GALNT10: variants seen among roughly 807,000 people sequenced by gnomAD.
GALNT10 encodes the protein polypeptide N-acetylgalactosaminyltransferase 10, also known as GalNAc transferase 10.
GALNT10 carries 41 observed loss-of-function variants against 75.0 expected under a neutral mutation model. That is an observed-to-expected ratio of 0.55 (90% CI 0.43 to 0.71). The LOEUF is 0.71. Ranked by LOEUF, GALNT10 falls within the 30% of genes least tolerant of loss-of-function variation. The pLI, the probability that GALNT10 is intolerant of heterozygous loss-of-function variation, is 0.00. For missense variants in GALNT10, 727 were observed against 818.5 expected (o/e 0.89, Z 1.36); for synonymous variants, 302 against 313.0 (o/e 0.96, Z 0.37).
rs557958036 is a variant in GALNT10, at chr5:154,224,387, T to A, written c.159+33362T>A. Among the ~76,000 whole-genome samples, 62 of 152,352 alleles carry A rather than the reference T, an allele frequency of 4.1e-4. 1 individual carries two copies. The South Asian group carries it at 0.011, about 27-fold the overall frequency. ...AATTCTTCTATAATCTGGGACTAAT[T>A]TGACCCAGTCTCTTGCTTCCTCCTT... On this transcript the variant is annotated intron_variant, in intron 1 of 11. Coordinates refer to ENST00000297107, the MANE Select transcript of GALNT10 (RefSeq NM_198321.4).
At chr5:154,285,579 G>A (rs1754098840) in intron 1 of GALNT10, among the ~76,000 whole-genome samples, 1 of 151,918 alleles carries the variant, frequency 6.6e-6, no homozygotes, top group Non-Finnish European at 1.5e-5. Context: ...CAAACCCACA[G>A]GACCCTAGTA....
At chr5:154,247,985 C>T (rs373540631) in intron 1 of GALNT10, among the ~76,000 whole-genome samples, 4 of 152,136 alleles carry the variant, frequency 2.6e-5, no homozygotes, top group Admixed American at 2.6e-4. Context: ...AGATACGTCC[C>T]ATCAATACCT....
At chr5:154,292,481 C>T (rs1236889276) in intron 1 of GALNT10, among the ~76,000 whole-genome samples, 1 of 152,044 alleles carries the variant, frequency 6.6e-6, no homozygotes, top group East Asian at 1.9e-4. Context: ...CCAAAGTTTC[C>T]AATCTGTGGG....
At chr5:154,223,492 G>A (rs908074434) in intron 1 of GALNT10, among the ~76,000 whole-genome samples, 2 of 152,220 alleles carry the variant, frequency 1.3e-5, no homozygotes, top group African/African-American at 2.4e-5. Flanking sequence ...TATAAACAGA[G>A]CATTGTAGAG....
At chr5:154,261,064 G>A (rs1181389492) in intron 1 of GALNT10, among the ~76,000 whole-genome samples, 1 of 151,868 alleles carries the variant, frequency 6.6e-6, no homozygotes, top group South Asian at 2.1e-4. Context: ...TGGGGCGGGG[G>A]TGGGGACACC....
At position 154,379,860 on chromosome 5, in the gene GALNT10, A is replaced by G. The variant is rs978684804; in HGVS notation, c.755-588A>G. Among the ~76,000 whole-genome samples, 10 of 152,108 alleles carry G rather than the reference A, an allele frequency of 6.6e-5. 1 individual carries two copies. Among genetic ancestry groups the G allele is most frequent in the East Asian group, 1.9e-4 (1 of 5,188 alleles). On this transcript the variant is annotated intron_variant, in intron 5 of 11. Coordinates refer to ENST00000297107, the MANE Select transcript of GALNT10 (RefSeq NM_198321.4). ...CCTGGGGCAGTTCATTCCCCCATCC[A>G]TAGTTCCGATGATTGAAAGAGTTGA...
chr5:154,239,202 C>A (rs1340365569), intron 1 of GALNT10, among the ~76,000 whole-genome samples: 1 of 152,100 alleles, frequency 6.6e-6, no homozygotes, highest in Admixed American at 6.5e-5. Flanking sequence ...TAAGTACTGT[C>A]TTTATTTATA....
intron 4 of GALNT10, among the ~76,000 whole-genome samples, chr5:154,339,467 G>T (rs1265022516): frequency 4.0e-5 from 6 of 151,322 alleles, no homozygotes; most frequent in Admixed American, 3.9e-4. Context: ...AGAAACACAG[G>T]ATGCAAGAGT....
At chr5:154,201,448 C>T (rs1371768340) in intron 1 of GALNT10, among the ~76,000 whole-genome samples, 1 of 152,114 alleles carries the variant, frequency 6.6e-6, no homozygotes, top group Non-Finnish European at 1.5e-5. Context: ...AAACCTTAGG[C>T]TCTGACAGAC....
rs1451943244 is a variant in GALNT10, at chr5:154,405,874, TTG to T, written c.1164+1665_1164+1666del. 2.9e-3 allele frequency among the ~76,000 whole-genome samples: 257 copies of T among 89,452 alleles called. 1 individual carries two copies. The highest frequency in any genetic ancestry group is 3.2e-3 in the Non-Finnish European group (128 of 40,232). The allele number at this position is 89,452 out of a possible 152,430, so 58.7% of individuals were successfully genotyped here. On this transcript the variant is annotated intron_variant, in intron 8 of 11. Coordinates refer to ENST00000297107, the MANE Select transcript of GALNT10 (RefSeq NM_198321.4). ...AAGTTTGTTGTTGTTGTTGTTGCTG[TTG>T]TTTTTTTTTTTAAAAGGCCCACCTG...
chr5:154,338,896 A>C (rs765372149), intron 4 of GALNT10, among the ~76,000 whole-genome samples: 1 of 152,250 alleles, frequency 6.6e-6, no homozygotes, highest in Non-Finnish European at 1.5e-5. Context: ...ACCCAGGGAC[A>C]GGCTTAGCAG....
chr5:154,276,465 G>A (rs756559616), intron 1 of GALNT10, among the ~76,000 whole-genome samples: 2 of 120,812 alleles, frequency 1.7e-5, no homozygotes, highest in Admixed American at 1.1e-4. Context: ...AGGTTAAGTC[G>A]ACCTGGATAA....
At chr5:154,346,162 G>GTGTT (rs1755122142) in intron 4 of GALNT10, among the ~76,000 whole-genome samples, 1 of 150,984 alleles carries the variant, frequency 6.6e-6, no homozygotes, top group Admixed American at 6.6e-5. Context: ...GTGTGTGTGT[G>GTGTT]AGATAGATAC....
intron 1 of GALNT10, among the ~76,000 whole-genome samples, chr5:154,241,078 T>C (rs1541663): frequency 0.62 from 93,703 of 152,096 alleles, 29,880 homozygotes; most frequent in East Asian, 0.86. Context: ...CCCACGGTGT[T>C]CTGCCTGATA....
At chr5:154,299,492 G>T (rs1754329893) in intron 3 of GALNT10, among the ~76,000 whole-genome samples, 1 of 152,296 alleles carries the variant, frequency 6.6e-6, no homozygotes, top group South Asian at 2.1e-4. Flanking sequence ...AGGGAGTCTG[G>T]CTCTAGAATC....
intron 1 of GALNT10, among the ~76,000 whole-genome samples, chr5:154,202,716 C>T (rs1775044165): frequency 6.6e-6 from 1 of 152,226 alleles, no homozygotes; most frequent in Non-Finnish European, 1.5e-5. Context: ...CTTCTTGGCA[C>T]ACGAGCAGAG....
intron 1 of GALNT10, among the ~76,000 whole-genome samples, chr5:154,242,856 A>T (rs2113669098): frequency 6.6e-6 from 1 of 152,338 alleles, no homozygotes. Context: ...ACTCCTTAAA[A>T]GTGCTTCAAG....
intron 3 of GALNT10, among the ~76,000 whole-genome samples, chr5:154,303,411 G>A (rs1328960463): frequency 6.6e-6 from 1 of 152,142 alleles, no homozygotes; most frequent in Admixed American, 6.5e-5. Context: ...GAGACCTACA[G>A]AGATCTACAG....
intron 1 of GALNT10, chr5:154,218,070 G>A (rs1752911215): frequency 1.4e-5 from 14 of 985,194 alleles, no homozygotes; most frequent in Non-Finnish European, 1.7e-5. Context: ...GTTCGACTGA[G>A]ACCAGGATTA....
Sources: gnomAD v4.1 joint callset for allele counts (sites outside exome capture counted in the v4.1 genomes callset) on GRCh38, gnomAD v4.1.1 for gene constraint, MANE v1.5 for transcripts, NCBI Gene and HGNC (gene_info 2026-07-23, HGNC 2026-07-21) for gene names.